Variants in SPOCK1 observed in about 807,000 individuals in gnomAD.
The protein encoded by SPOCK1 is testican-1.
A neutral mutation model predicts 55.3 loss-of-function variants in SPOCK1; 23 were observed. That is an observed-to-expected ratio of 0.42 (90% confidence interval 0.30 to 0.59). SPOCK1 has a LOEUF of 0.59. Ranked by LOEUF, SPOCK1 falls within the 20% of genes least tolerant of loss-of-function variation. SPOCK1 has a pLI of 0.22. For missense variants in SPOCK1, 499 were observed against 552.5 expected (o/e 0.90, Z 0.97); for synonymous variants, 226 against 221.0 (o/e 1.02, Z -0.20).
intron 3 of SPOCK1, among the ~76,000 whole-genome samples, chr5:137,201,649 A>C (rs1003065010): frequency 6.6e-6 from 1 of 152,358 alleles, no homozygotes; most frequent in South Asian, 2.1e-4. Context: ...CCTCATGTGC[A>C]TACTTCATTT....
chr5:137,360,270 T>C (rs765773586), intron 2 of SPOCK1, among the ~76,000 whole-genome samples: 8 of 151,740 alleles, frequency 5.3e-5, no homozygotes, highest in Non-Finnish European at 8.8e-5. Flanking sequence ...TTGGGAAGAG[T>C]GTTGGTTTGA....
At chr5:137,413,069 T>C (rs1225927772) in intron 2 of SPOCK1, among the ~76,000 whole-genome samples, 1 of 152,162 alleles carries the variant, frequency 6.6e-6, no homozygotes, top group African/African-American at 2.4e-5. Flanking sequence ...AGGTGCTGTA[T>C]CAAAAACTTA....
intron 3 of SPOCK1, among the ~76,000 whole-genome samples, chr5:137,170,784 C>T (rs1475755572): frequency 6.6e-6 from 1 of 152,160 alleles, no homozygotes; most frequent in Non-Finnish European, 1.5e-5. Flanking sequence ...TTAAGCCACT[C>T]ATTATATGGT....
intron 3 of SPOCK1, among the ~76,000 whole-genome samples, chr5:137,186,721 C>T (rs1580797023): frequency 6.6e-6 from 1 of 152,320 alleles, no homozygotes; most frequent in East Asian, 1.9e-4. Context: ...CTCAGGATTC[C>T]CAAACGTCCA....
At chr5:137,105,216 A>G (rs1461348238) in intron 5 of SPOCK1, among the ~76,000 whole-genome samples, 1 of 152,226 alleles carries the variant, frequency 6.6e-6, no homozygotes, top group East Asian at 1.9e-4. Context: ...GTGGATGCAC[A>G]ACATGTGCAA....
chr5:137,245,143 G>A (rs979111981), intron 3 of SPOCK1, among the ~76,000 whole-genome samples: 13 of 152,066 alleles, frequency 8.5e-5, no homozygotes, highest in Admixed American at 5.2e-4. Flanking sequence ...ACATGACCAC[G>A]TGTCCCACTA....
At chr5:136,991,731 A>G (rs533975288) in intron 7 of SPOCK1, among the ~76,000 whole-genome samples, 2 of 152,334 alleles carry the variant, frequency 1.3e-5, no homozygotes, top group South Asian at 2.1e-4. Flanking sequence ...CACAGTGTGG[A>G]GAAGCCTATA....
rs143868500 is a variant in SPOCK1 at position 137,392,291 on chromosome 5, G to A, written c.186+106082C>T. Among the ~76,000 whole-genome samples, 496 of 152,084 alleles carry A rather than the reference G, an allele frequency of 3.3e-3. 4 individuals carry two copies. The highest frequency in any genetic ancestry group is 0.011 in the African/African-American group (458 of 41,486). On this transcript the variant is annotated intron_variant, in intron 2 of 10. Transcript: ENST00000394945. ...ACCCACAGTCCATAGACATCCAACC[G>A]CCCAATGCATATCCAACCTCAGCAA...
At chr5:136,995,537 C>T (rs1240544848) in intron 6 of SPOCK1, among the ~76,000 whole-genome samples, 3 of 152,154 alleles carry the variant, frequency 2.0e-5, no homozygotes, top group Admixed American at 6.5e-5. Flanking sequence ...TTGTGCATTC[C>T]GTAGTCAATT....
chr5:137,137,504 A>G (rs1398059313), intron 4 of SPOCK1, among the ~76,000 whole-genome samples: 1 of 152,176 alleles, frequency 6.6e-6, no homozygotes, highest in Non-Finnish European at 1.5e-5. Flanking sequence ...GGACATAACA[A>G]CCACAACAAA....
chr5:137,170,147 C>T (rs1754724551), intron 3 of SPOCK1, among the ~76,000 whole-genome samples: 1 of 152,182 alleles, frequency 6.6e-6, no homozygotes, highest in South Asian at 2.1e-4. Flanking sequence ...CATAATCCAC[C>T]TGTTTGCTTT....
intron 2 of SPOCK1, among the ~76,000 whole-genome samples, chr5:137,408,048 T>A (rs1752137539): frequency 6.6e-6 from 1 of 152,178 alleles, no homozygotes; most frequent in Non-Finnish European, 1.5e-5. Flanking sequence ...TAGATGATAT[T>A]TCATCTCCCT....
chr5:137,033,507 T>C (rs1171888613), intron 6 of SPOCK1, among the ~76,000 whole-genome samples: 1 of 152,196 alleles, frequency 6.6e-6, no homozygotes, highest in Non-Finnish European at 1.5e-5. Context: ...ATCCTTCCCT[T>C]GTCCCCGGGA....
intron 2 of SPOCK1, among the ~76,000 whole-genome samples, chr5:137,305,809 C>T (rs961028225): frequency 2.6e-5 from 4 of 152,236 alleles, no homozygotes; most frequent in African/African-American, 9.6e-5. Context: ...GTTAAGAGAG[C>T]CTCAGGTCTC....
At chr5:136,997,786 G>T (rs940893425) in intron 6 of SPOCK1, among the ~76,000 whole-genome samples, 4 of 152,090 alleles carry the variant, frequency 2.6e-5, no homozygotes, top group African/African-American at 4.8e-5. Flanking sequence ...TGCTCCCAAT[G>T]CCTTGTTTCT....
At chr5:137,288,752 C>T (rs17171303) in intron 2 of SPOCK1, among the ~76,000 whole-genome samples, 6,741 of 152,216 alleles carry the variant, frequency 0.044, 533 homozygotes, top group African/African-American at 0.15. Flanking sequence ...TCCAGGCTCT[C>T]CTAACTGTAC....
At chr5:137,450,180 C>G (rs982601704) in intron 2 of SPOCK1, among the ~76,000 whole-genome samples, 22 of 152,098 alleles carry the variant, frequency 1.4e-4, no homozygotes, top group Admixed American at 1.3e-3. Flanking sequence ...GACCTTTCTT[C>G]TCAACTTTAA....
chr5:137,081,871 G>T lies in SPOCK1; in HGVS notation c.475-14042C>A, dbSNP rs151164796. The stretch of plus-strand genomic sequence containing the variant: ...TACGTTTAAGTAACAAAATGCCCTT[G>T]CAAGAGTCGATTCTCTGATGATGGA... On this transcript the variant is annotated intron_variant, in intron 5 of 10. Transcript: ENST00000394945. Among the ~76,000 whole-genome samples, 543 of 152,370 alleles carry T rather than the reference G, an allele frequency of 3.6e-3. 9 individuals are homozygous for T. The highest frequency in any genetic ancestry group is 0.027 in the Middle Eastern group (8 of 294).
At chr5:137,403,426 AC>A (rs1165213348) in intron 2 of SPOCK1, among the ~76,000 whole-genome samples, 1 of 152,226 alleles carries the variant, frequency 6.6e-6, no homozygotes, top group Non-Finnish European at 1.5e-5. Flanking sequence ...AAAATGGTAA[AC>A]AAACAAACAA....
Sources: gnomAD v4.1 joint callset for allele counts (sites outside exome capture counted in the v4.1 genomes callset) on GRCh38, gnomAD v4.1.1 for gene constraint, MANE v1.5 for transcripts, NCBI Gene and HGNC (gene_info 2026-07-23, HGNC 2026-07-21) for gene names.